The following DENND4A variants were observed in gnomAD, a reference collection of about 807,000 sequenced individuals.
DENND4A encodes the protein C-myc promoter-binding protein.
Under a neutral mutation model 199.3 loss-of-function variants are expected in DENND4A, and 70 were observed. The observed-to-expected ratio is 0.35, with a 90% CI of 0.29 to 0.43. DENND4A has a LOEUF of 0.43. DENND4A is among the 20% of genes least tolerant of loss of function. The pLI is 1.00. For synonymous variants in DENND4A, 686 were observed against 766.9 expected (o/e 0.89, Z 1.74); for missense variants, 1,723 against 2,255.8 (o/e 0.76, Z 4.78).
At chr15:65,780,387 A>G (rs2077407027) in intron 1 of DENND4A, among the ~76,000 whole-genome samples, 1 of 152,228 alleles carries the variant, frequency 6.6e-6, no homozygotes, top group South Asian at 2.1e-4. Flanking sequence ...GAGTTTAAAC[A>G]GTGCTATTAA....
At chr15:65,663,196 ATAT>A (rs1406617689) in intron 32 of DENND4A, among the ~76,000 whole-genome samples, 261 of 117,102 alleles carry the variant, frequency 2.2e-3, no homozygotes, top group African/African-American at 8.4e-3. Context: ...ATATATATAT[ATAT>A]TTTTTTTTTT....
At chr15:65,737,601 C>A in intron 7 of DENND4A, 106 bp downstream of exon 7, 1 of 1,148,786 alleles carries the variant, frequency 8.7e-7, no homozygotes. Flanking sequence ...TTTCAAATAA[C>A]TCTTGAGAAA....
intron 11 of DENND4A, among the ~76,000 whole-genome samples, chr15:65,727,263 T>A (rs2140356823): frequency 6.6e-6 from 1 of 151,628 alleles, no homozygotes; most frequent in South Asian, 2.1e-4. Flanking sequence ...CCATCCTGGC[T>A]AACATGGTGA....
chr15:65,672,814 C>T (rs901858205), intron 24 of DENND4A, among the ~76,000 whole-genome samples: 1 of 151,762 alleles, frequency 6.6e-6, no homozygotes, highest in Admixed American at 6.6e-5. Context: ...TATGTTATAC[C>T]TTCTCAACAC....
intron 1 of DENND4A, chr15:65,771,127 G>GA: frequency 1.3e-6 from 2 of 1,507,616 alleles, no homozygotes; most frequent in South Asian, 1.3e-5. Context: ...CTTACTTACA[G>GA]AAAAAATAAA....
chr15:65,663,713 C>A, intron 32 of DENND4A, among the ~76,000 whole-genome samples: 1 of 152,030 alleles, frequency 6.6e-6, no homozygotes. Flanking sequence ...GCAGCTGCAC[C>A]GTCATGGCTC....
intron 22 of DENND4A, among the ~76,000 whole-genome samples, chr15:65,693,378 A>G (rs1030292405): frequency 6.6e-6 from 1 of 152,198 alleles, no homozygotes; most frequent in South Asian, 2.1e-4. Flanking sequence ...AAAAGAACTG[A>G]TGGCAAAGCC....
chr15:65,685,369 G>A (rs1012503924), intron 23 of DENND4A, among the ~76,000 whole-genome samples: 1 of 152,090 alleles, frequency 6.6e-6, no homozygotes, highest in Non-Finnish European at 1.5e-5. Flanking sequence ...CTCGTGATTC[G>A]CCTGCCTTGG....
At chr15:65,750,756 T>C (rs1024737869) in intron 4 of DENND4A, among the ~76,000 whole-genome samples, 1 of 151,872 alleles carries the variant, frequency 6.6e-6, no homozygotes, top group Non-Finnish European at 1.5e-5. Flanking sequence ...AAAACAGTAA[T>C]AAAAGAACAA....
chr15:65,714,519 T>C (rs1274464997), intron 14 of DENND4A, among the ~76,000 whole-genome samples: 1 of 152,076 alleles, frequency 6.6e-6, no homozygotes, highest in Non-Finnish European at 1.5e-5. Context: ...ACCACCCCTC[T>C]CCCACACAGA....
chr15:65,706,504 A>G (rs1302267982), intron 14 of DENND4A, among the ~76,000 whole-genome samples: 1 of 127,728 alleles, frequency 7.8e-6, no homozygotes, highest in East Asian at 5.3e-4. Flanking sequence ...ACATATATAT[A>G]TATATTTTTT....
At chr15:65,728,893 C>A in intron 11 of DENND4A, 179 bp downstream of exon 11, 1 of 679,280 alleles carries the variant, frequency 1.5e-6, no homozygotes. Flanking sequence ...TTCTTTAATA[C>A]TCTAAATCTA....
At position 65,667,651 on chromosome 15, in the gene DENND4A, G is replaced by A. The variant is rs1354631979; in HGVS notation, c.5039C>T (p.Pro1680Leu). ...CCATACCACTAAAGGACTAAGATAC[G>A]GAACAGTGACAGGATCGGGACTTGG... ...HLPSPDPVTV[P>L]YLSPLVVWKE... Residue 1680 changes from proline (P) to leucine (L), a missense_variant, in exon 29 of 33, where the codon CCG becomes CTG. By Grantham distance (98) the Pro-to-Leu change is moderately conservative. Coordinates refer to ENST00000443035, the MANE Select transcript of DENND4A (RefSeq NM_001320835.1). 3.1e-6 allele frequency: 5 copies of A among 1,613,758 alleles called. No individual in the cohort carries two copies. The highest frequency in any genetic ancestry group is 1.3e-5 in the African/African-American group (1 of 74,896).
At chr15:65,702,823 A>C (rs756156123) in intron 16 of DENND4A, 50 bp downstream of exon 16, 1 of 1,532,710 alleles carries the variant, frequency 6.5e-7, no homozygotes, top group Non-Finnish European at 9.0e-7. Flanking sequence ...TAAATATCCA[A>C]TTTATTTCTT....
chr15:65,702,396 A>G lies in DENND4A; in HGVS notation c.2339T>C (p.Val780Ala). ...GLWFICLPAYVKVCHSKVRAL... is the reference protein window; with the variant it reads ...GLWFICLPAYAKVCHSKVRAL... ...CCTGACTTTTGAATGACAGACTTTCACATAAGCTGGGAGACAAATAAACCA... is the reference window on the plus strand; with the variant it reads ...CCTGACTTTTGAATGACAGACTTTCGCATAAGCTGGGAGACAAATAAACCA... Residue 780 changes from valine to alanine, a missense_variant, in exon 17 of 33, where the codon GTG (valine) becomes GCG (alanine). Transcript: ENST00000443035. The G allele has an allele frequency of 6.4e-7, 1 of 1,567,218 alleles. No individual in the cohort carries two copies. Among genetic ancestry groups the G allele is most frequent in the Non-Finnish European group, 8.7e-7 (1 of 1,155,522 alleles).
intron 4 of DENND4A, among the ~76,000 whole-genome samples, chr15:65,745,612 A>G (rs1423929179): frequency 6.6e-6 from 1 of 152,186 alleles, no homozygotes; most frequent in Non-Finnish European, 1.5e-5. Context: ...AAAAAATTTT[A>G]TAAAAATGGG....
Position 65,767,877 on chromosome 15 carries a change from T to C in DENND4A, c.-101-6439A>G, listed in dbSNP as rs186010065. The stretch of plus-strand genomic sequence containing the variant: ...ATGGACAACTGTGAGGGAAAGGGAA[T>C]TGGATGAAGACGAGAGATAAAGGAG... On this transcript the variant is annotated intron_variant, in intron 1 of 32. Coordinates refer to ENST00000443035, the MANE Select transcript of DENND4A (RefSeq NM_001320835.1). Among the ~76,000 whole-genome samples the C allele has an allele frequency of 3.7e-3, 562 of 152,242 alleles. 5 individuals carry two copies. The highest frequency in any genetic ancestry group is 6.8e-3 in the Middle Eastern group (2 of 294).
chr15:65,790,255 G>C (rs1267941618), intron 1 of DENND4A, among the ~76,000 whole-genome samples: 1 of 152,196 alleles, frequency 6.6e-6, no homozygotes, highest in East Asian at 1.9e-4. Context: ...GAAAAGTTCA[G>C]AACAAATCAG....
chr15:65,754,288 T>G (rs762571490), intron 3 of DENND4A, among the ~76,000 whole-genome samples: 1 of 152,214 alleles, frequency 6.6e-6, no homozygotes, highest in Non-Finnish European at 1.5e-5. Context: ...GTGCTTATTC[T>G]TCCTTCTTTT....
Sources: allele counts gnomAD v4.1 joint callset (sites outside exome capture counted in the v4.1 genomes callset), GRCh38; gene constraint gnomAD v4.1.1; transcripts MANE v1.5; gene names NCBI Gene and HGNC (gene_info 2026-07-23, HGNC 2026-07-21).